Variants in TRIM55 observed in about 807,000 individuals in gnomAD.
TRIM55 encodes the protein tripartite motif containing 55.
A neutral mutation model predicts 60.9 loss-of-function variants in TRIM55; 50 were observed. The ratio of observed to expected loss-of-function variants is 0.82; its 90% CI spans 0.65 to 1.04. The LOEUF (loss-of-function observed/expected upper bound fraction) is 1.04, where lower values mean the gene tolerates loss of function less well. Ranked by LOEUF, TRIM55 falls within the 50% of genes least tolerant of loss-of-function variation. TRIM55 has a pLI of 0.00. For synonymous variants in TRIM55, 237 were observed against 238.1 expected (o/e 1.00, Z 0.04); for missense variants, 681 against 666.9 (o/e 1.02, Z -0.23).
intron 8 of TRIM55, 147 bp from the exon 9 acceptor site, chr8:66,153,900 G>A (rs886505550): frequency 2.1e-5 from 15 of 705,206 alleles, no homozygotes; most frequent in Non-Finnish European, 6.9e-6. Context: ...CGCTTCTGGA[G>A]GGTGGGATGA....
At chr8:66,114,214 G>A in the TRIM55 span, among the ~76,000 whole-genome samples, 4 of 152,120 alleles carry the variant, frequency 2.6e-5, no homozygotes, top group Non-Finnish European at 2.9e-5. Flanking sequence ...ATGGTAGAGC[G>A]CTCGCTTAGC....
intron 7 of TRIM55, among the ~76,000 whole-genome samples, chr8:66,151,239 G>A (rs1343083584): frequency 6.6e-6 from 1 of 152,196 alleles, no homozygotes; most frequent in Non-Finnish European, 1.5e-5. Flanking sequence ...ACCTGGGTCT[G>A]TGTGACTAGT....
At chr8:66,155,669 A>G (rs1247316561) in intron 9 of TRIM55, 1 of 1,613,236 alleles carries the variant, frequency 6.2e-7, no homozygotes, top group Admixed American at 1.7e-5. Context: ...ATTCTTCACT[A>G]CATCTGGAGT....
At chr8:66,114,166 GATA>G in the TRIM55 span, among the ~76,000 whole-genome samples, 1 of 147,826 alleles carries the variant, frequency 6.8e-6, no homozygotes, top group East Asian at 2.1e-4. Context: ...TAAAGGAACA[GATA>G]ATAAGCCGTG....
chr8:66,170,432 T>C (rs1225790963), intron 9 of TRIM55, among the ~76,000 whole-genome samples: 1 of 152,206 alleles, frequency 6.6e-6, no homozygotes, highest in Non-Finnish European at 1.5e-5. Context: ...TTTTTAAGGC[T>C]GAACAGTGTT....
intron 4 of TRIM55, among the ~76,000 whole-genome samples, chr8:66,147,794 C>CAAAAAAA (rs1180935272): frequency 2.3e-5 from 1 of 44,190 alleles, no homozygotes; most frequent in Non-Finnish European, 4.9e-5. Context: ...GACTCCATCT[C>CAAAAAAA]AAAAAAAAAA....
At chr8:66,161,263 C>A (rs1811034292) in intron 9 of TRIM55, among the ~76,000 whole-genome samples, 1 of 152,256 alleles carries the variant, frequency 6.6e-6, no homozygotes, top group South Asian at 2.1e-4. Flanking sequence ...ATTATCCCAG[C>A]ACCATTTGTT....
the TRIM55 span, among the ~76,000 whole-genome samples, chr8:66,116,715 T>G: frequency 2.8e-5 from 2 of 72,300 alleles, no homozygotes; most frequent in Non-Finnish European, 4.5e-5. Flanking sequence ...GCTTCAGTAG[T>G]GAATTCTACC....
the TRIM55 span, among the ~76,000 whole-genome samples, chr8:66,117,140 CT>C: frequency 6.6e-6 from 1 of 152,204 alleles, no homozygotes; most frequent in Non-Finnish European, 1.5e-5. Context: ...GGGAAGGGAA[CT>C]TATTCAACCT....
intron 3 of TRIM55, among the ~76,000 whole-genome samples, chr8:66,136,298 AG>A (rs1483146528): frequency 6.6e-6 from 1 of 152,192 alleles, no homozygotes; most frequent in Non-Finnish European, 1.5e-5. Context: ...GTTTGGCCAA[AG>A]CAGCTTCACC....
intron 2 of TRIM55, among the ~76,000 whole-genome samples, chr8:66,131,978 A>T (rs531088465): frequency 6.6e-6 from 1 of 152,392 alleles, no homozygotes; most frequent in African/African-American, 2.4e-5. Flanking sequence ...ATACATAAAT[A>T]CATACATACA....
At chr8:66,152,687 C>T in intron 8 of TRIM55, 60 bp downstream of exon 8, 1 of 1,558,324 alleles carries the variant, frequency 6.4e-7, no homozygotes, top group East Asian at 2.3e-5. Context: ...ATGGAATAGC[C>T]TAAACAATTT....
chr8:66,126,943 C>A, upstream of TRIM55: 1 of 219,198 alleles, frequency 4.6e-6, no homozygotes. Flanking sequence ...CTCACAACCC[C>A]GTCTAAATGG....
chr8:66,169,023 A>C (rs1284843964), intron 9 of TRIM55, among the ~76,000 whole-genome samples: 2 of 152,186 alleles, frequency 1.3e-5, no homozygotes, highest in African/African-American at 4.8e-5. Context: ...GAGAATGATC[A>C]TTTAGGGAAG....
intron 4 of TRIM55, among the ~76,000 whole-genome samples, chr8:66,142,171 C>T (rs565245004): frequency 1.3e-5 from 2 of 152,300 alleles, no homozygotes; most frequent in South Asian, 4.1e-4. Flanking sequence ...ACCTTACAGC[C>T]TCAGAGTCAT....
chr8:66,150,472 T>A lies in TRIM55; in HGVS notation c.985+6T>A. On this transcript the variant is annotated splice_donor_region_variant and intron_variant, in intron 7 of 9. Coordinates refer to ENST00000315962, the MANE Select transcript of TRIM55 (RefSeq NM_184085.2). ...TGAAATTGACTTTTACAGAGGTTTGTTATTCTTTTGACCATTTGGCCGAAG... is the reference window on the plus strand; with the variant it reads ...TGAAATTGACTTTTACAGAGGTTTGATATTCTTTTGACCATTTGGCCGAAG... The A allele has an allele frequency of 6.2e-7, 1 of 1,613,900 alleles. No homozygotes were observed. The highest frequency in any genetic ancestry group is 8.5e-7 in the Non-Finnish European group (1 of 1,179,930).
intron 9 of TRIM55, among the ~76,000 whole-genome samples, chr8:66,160,592 T>G (rs1039597246): frequency 2.0e-5 from 3 of 152,160 alleles, no homozygotes; most frequent in African/African-American, 7.2e-5. Context: ...CTTTAAGGAA[T>G]CTCCAAACTG....
intron 6 of TRIM55, 21 bp downstream of exon 6, chr8:66,150,260 G>C: frequency 1.9e-6 from 3 of 1,612,796 alleles, no homozygotes. Context: ...TTTATTTTAT[G>C]TAAAAATGCA....
At position 66,137,191 on chromosome 8, in the gene TRIM55, G is replaced by T. The variant is rs906355344; in HGVS notation, c.603+1G>T. ...GGAAGACACCTGCAAAACTATCGAG[G>T]TGAGTCAGGTGACTCCCACAGCGTC... On this transcript the variant is annotated splice_donor_variant, in intron 4 of 9. Transcript: ENST00000315962. LOFTEE classifies it high-confidence loss of function. 6.2e-7 allele frequency: 1 copy of T among 1,613,270 alleles called. No homozygotes were observed. The highest frequency in any genetic ancestry group is 8.5e-7 in the Non-Finnish European group (1 of 1,179,530).
Sources: allele counts gnomAD v4.1 joint callset (sites outside exome capture counted in the v4.1 genomes callset), GRCh38; gene constraint gnomAD v4.1.1; transcripts MANE v1.5; gene names NCBI Gene and HGNC (gene_info 2026-07-23, HGNC 2026-07-21).